Variants in TNKS observed in about 807,000 individuals in gnomAD.
TNKS encodes the protein poly [ADP-ribose] polymerase tankyrase-1.
A neutral mutation model predicts 135.8 loss-of-function variants in TNKS; 72 were observed. The observed-to-expected ratio is 0.53, with a 90% CI of 0.44 to 0.64. TNKS has a LOEUF of 0.64. Among genes scored for constraint, TNKS ranks in the 30% least tolerant of loss-of-function variants. TNKS has a pLI of 0.00. For synonymous variants in TNKS, 849 were observed against 649.3 expected, an observed-to-expected ratio of 1.31 and a Z score of -4.68; for missense variants, 1,769 against 1,674.0, an observed-to-expected ratio of 1.06 and a Z score of -0.99.
chr8:9,722,814 G>A (rs1445749404), intron 12 of TNKS, among the ~76,000 whole-genome samples: 1 of 152,084 alleles, frequency 6.6e-6, no homozygotes, highest in South Asian at 2.1e-4. Flanking sequence ...CTCAAATTAT[G>A]TGCATAGCTT....
intron 26 of TNKS, among the ~76,000 whole-genome samples, chr8:9,774,167 T>G (rs769611078): frequency 2.6e-4 from 39 of 152,212 alleles, no homozygotes; most frequent in Non-Finnish European, 5.0e-4. Context: ...ATGTTGTACT[T>G]TAAACTTCAC....
intron 12 of TNKS, among the ~76,000 whole-genome samples, chr8:9,723,762 G>C (rs1399933160): frequency 2.0e-5 from 3 of 152,142 alleles, no homozygotes; most frequent in Non-Finnish European, 4.4e-5. Context: ...GTGGCTAATG[G>C]CTAGCATAAT....
intron 2 of TNKS, among the ~76,000 whole-genome samples, chr8:9,591,432 G>A (rs910913798): frequency 3.3e-5 from 5 of 152,188 alleles, no homozygotes; most frequent in Non-Finnish European, 2.9e-5. Context: ...ACTTCTCTTG[G>A]ATGGATCCCT....
intron 3 of TNKS, among the ~76,000 whole-genome samples, chr8:9,654,480 C>T (rs1801272224): frequency 6.6e-6 from 1 of 152,172 alleles, no homozygotes; most frequent in South Asian, 2.1e-4. Flanking sequence ...GTTTAAGTTT[C>T]AGAATACACA....
At chr8:9,585,715 A>G (rs1798351762) in intron 2 of TNKS, among the ~76,000 whole-genome samples, 1 of 152,202 alleles carries the variant, frequency 6.6e-6, no homozygotes, top group South Asian at 2.1e-4. Flanking sequence ...CATTAGAGAA[A>G]CAAAGCTCCT....
At chr8:9,608,262 C>T (rs568628887) in intron 2 of TNKS, among the ~76,000 whole-genome samples, 4 of 152,120 alleles carry the variant, frequency 2.6e-5, no homozygotes. Flanking sequence ...TAGTTTTTTC[C>T]TCTGTTGCAT....
Position 9,565,355 on chromosome 8 carries a change from A to G in TNKS, c.673+8743A>G, listed in dbSNP as rs185688991. On this transcript the variant is annotated intron_variant, in intron 1 of 26. Transcript: ENST00000310430. Reference sequence around the variant, plus strand: ...TTTTCTCTATCCCTTTTGCCTTTTCAGTAGAACAAACTAAACTGCTGGTAG... The same window carrying G: ...TTTTCTCTATCCCTTTTGCCTTTTCGGTAGAACAAACTAAACTGCTGGTAG... 6.0e-3 allele frequency among the ~76,000 whole-genome samples: 911 copies of G among 152,250 alleles called. 7 individuals are homozygous for G. Among genetic ancestry groups the G allele is most frequent in the Admixed American group, 9.7e-3 (148 of 15,300 alleles).
In TNKS at chr8:9,643,600, C is replaced by T. The variant is rs941832589; in HGVS notation, c.994+27923C>T. On this transcript the variant is annotated intron_variant, in intron 3 of 26. Transcript: ENST00000310430. Reference sequence around the variant, plus strand: ...AGCAGCTACTATTAAAAACAACAACCACCACCACCACCATAGAAAATAAGT... The same window carrying T: ...AGCAGCTACTATTAAAAACAACAACTACCACCACCACCATAGAAAATAAGT... Among the ~76,000 whole-genome samples the T allele has an allele frequency of 2.0e-5, 3 of 152,044 alleles. No homozygotes were observed. The East Asian group carries it at 5.8e-4, about 29-fold the overall frequency.
At chr8:9,563,011 C>G (rs1418945531) in intron 1 of TNKS, among the ~76,000 whole-genome samples, 1 of 151,836 alleles carries the variant, frequency 6.6e-6, no homozygotes, top group Admixed American at 6.6e-5. Flanking sequence ...ATTATTCGTT[C>G]TTTTCTTTTT....
At chr8:9,583,094 G>A (rs1300569907) in intron 2 of TNKS, among the ~76,000 whole-genome samples, 3 of 150,896 alleles carry the variant, frequency 2.0e-5, no homozygotes, top group Admixed American at 6.6e-5. Flanking sequence ...ATGAACCCGG[G>A]AGGCGGAGCT....
chr8:9,575,533 G>C, intron 1 of TNKS: 7 of 550,134 alleles, frequency 1.3e-5, no homozygotes, highest in Non-Finnish European at 1.6e-5. Context: ...ATAGTTACAA[G>C]TTATTTAAAT....
At chr8:9,595,252 C>T (rs1366392665) in intron 2 of TNKS, among the ~76,000 whole-genome samples, 1 of 151,872 alleles carries the variant, frequency 6.6e-6, no homozygotes, top group Non-Finnish European at 1.5e-5. Context: ...TCCTGAGTAG[C>T]TAGGATTACA....
chr8:9,680,684 CT>C, intron 4 of TNKS, 40 bp from the exon 5 acceptor site: 1 of 1,412,266 alleles, frequency 7.1e-7, no homozygotes, highest in South Asian at 1.2e-5. Flanking sequence ...TCATAAGAAG[CT>C]TTGTAATTTT....
intron 2 of TNKS, among the ~76,000 whole-genome samples, chr8:9,606,444 G>A (rs73537959): frequency 0.093 from 14,076 of 151,968 alleles, 690 homozygotes; most frequent in South Asian, 0.18. Flanking sequence ...TCTTATTCTA[G>A]TACTGCACTG....
intron 3 of TNKS, among the ~76,000 whole-genome samples, chr8:9,654,698 C>T (rs1415306388): frequency 1.3e-5 from 2 of 152,200 alleles, no homozygotes; most frequent in Non-Finnish European, 1.5e-5. Flanking sequence ...AATTAGATTT[C>T]TGTGTTCTTA....
At chr8:9,567,313 G>C (rs979854859) in intron 1 of TNKS, among the ~76,000 whole-genome samples, 15 of 152,208 alleles carry the variant, frequency 9.9e-5, no homozygotes, top group African/African-American at 3.4e-4. Context: ...CTTTTGTTCA[G>C]TTGATTGTTT....
At chr8:9,607,254 A>T (rs1585223619) in intron 2 of TNKS, among the ~76,000 whole-genome samples, 1 of 152,224 alleles carries the variant, frequency 6.6e-6, no homozygotes, top group Admixed American at 6.5e-5. Flanking sequence ...TTTTACATTT[A>T]TGCAAATGTT....
At chr8:9,640,891 T>C (rs117887714) in intron 3 of TNKS, among the ~76,000 whole-genome samples, 2,076 of 146,294 alleles carry the variant, frequency 0.014, 220 homozygotes, top group Admixed American at 0.025. Context: ...CCTTCTCACC[T>C]GGCTAATGTG....
chr8:9,609,547 A>G (rs1799369467), intron 2 of TNKS, among the ~76,000 whole-genome samples: 1 of 152,032 alleles, frequency 6.6e-6, no homozygotes, highest in Non-Finnish European at 1.5e-5. Context: ...GACAGATTTT[A>G]TTTTTCTTGA....
Sources: allele counts gnomAD v4.1 joint callset (sites outside exome capture counted in the v4.1 genomes callset), GRCh38; gene constraint gnomAD v4.1.1; transcripts MANE v1.5; gene names NCBI Gene and HGNC (gene_info 2026-07-23, HGNC 2026-07-21).